Variants in ALG1L2 observed in about 807,000 individuals in gnomAD.
The protein encoded by ALG1L2 is putative glycosyltransferase ALG1L2.
A neutral mutation model predicts 29.0 loss-of-function variants in ALG1L2; 32 were observed. The observed-to-expected ratio is 1.10, with a 90% CI of 0.83 to 1.48. The LOEUF (loss-of-function observed/expected upper bound fraction) is 1.48, where lower values mean the gene tolerates loss of function less well. ALG1L2 is among the 40% of genes most tolerant of loss of function. The pLI is 0.00. For synonymous variants in ALG1L2, 110 were observed against 109.5 expected (o/e 1.00, Z -0.03); for missense variants, 318 against 274.1 (o/e 1.16, Z -1.13).
At chr3:130,094,973 C>G (rs1026769404) in intron 5 of ALG1L2, among the ~76,000 whole-genome samples, 7 of 152,184 alleles carry the variant, frequency 4.6e-5, no homozygotes, top group Non-Finnish European at 1.0e-4. Flanking sequence ...TCTCTAGAGC[C>G]ACATCTTCCA....
At chr3:130,096,015 C>G in intron 5 of ALG1L2, 34 bp from the exon 6 acceptor site, 1 of 1,583,398 alleles carries the variant, frequency 6.3e-7, no homozygotes, top group South Asian at 1.1e-5. Flanking sequence ...GGGGCAGAGA[C>G]CAGCGCTCTG....
rs779133862 is a variant in ALG1L2, at chr3:130,094,411, C to A, written c.322C>A (p.Pro108Thr). Residue 108 changes from proline (P) to threonine (T), a missense_variant, in exon 5 of 8, where the codon CCT becomes ACT. Pro to Thr is a conservative substitution (Grantham distance 38, BLOSUM62 -1). Transcript: ENST00000425059. ...SLVCVITGKG[P>T]LREYYSRLIH... ...TGCTCTTCTCTGTGAAGGCAAAGGG[C>A]CTCTGAGGGAGTATTACAGCCGCCT... 35 of 1,595,576 alleles carry A rather than the reference C, an allele frequency of 2.2e-5. No homozygotes were observed. The African/African-American group carries it at 3.7e-4, about 17-fold the overall frequency.
At chr3:130,092,308 G>T (rs1421645516) in intron 3 of ALG1L2, 86 bp downstream of exon 3, 1 of 1,588,742 alleles carries the variant, frequency 6.3e-7, no homozygotes, top group Non-Finnish European at 8.6e-7. Flanking sequence ...AGTCCTGCAT[G>T]CCCCAACCCC....
chr3:130,093,958 A>G (rs986934986), intron 4 of ALG1L2: 3 of 239,154 alleles, frequency 1.3e-5, no homozygotes, highest in Non-Finnish European at 2.5e-5. Flanking sequence ...AGGCTGTGGC[A>G]GGGCAGGTGC....
intron 2 of ALG1L2, 127 bp from the exon 3 acceptor site, chr3:130,091,974 G>A: frequency 2.0e-6 from 3 of 1,473,802 alleles, no homozygotes; most frequent in Non-Finnish European, 2.8e-6. Context: ...GGGTGGCCTG[G>A]TGCTGCTGAT....
At chr3:130,085,922 A>G (rs1934879668) in intron 1 of ALG1L2, among the ~76,000 whole-genome samples, 1 of 151,482 alleles carries the variant, frequency 6.6e-6, no homozygotes, top group Non-Finnish European at 1.5e-5. Flanking sequence ...GAGAGGGAAC[A>G]AAGATGAGGG....
At chr3:130,095,356 C>T (rs1225620912) in intron 5 of ALG1L2, among the ~76,000 whole-genome samples, 1 of 151,512 alleles carries the variant, frequency 6.6e-6, no homozygotes. Context: ...AAATGTTTAG[C>T]TATTTGGCTT....
intron 1 of ALG1L2, among the ~76,000 whole-genome samples, chr3:130,086,729 A>C: frequency 7.5e-6 from 1 of 133,094 alleles, no homozygotes. Flanking sequence ...AAACGTAGAA[A>C]AAGGAAATTG....
chr3:130,093,481 C>T (rs1282433471), intron 4 of ALG1L2, among the ~76,000 whole-genome samples: 3 of 148,446 alleles, frequency 2.0e-5, no homozygotes, highest in Non-Finnish European at 4.4e-5. Context: ...GGCTGGGATG[C>T]AGTGGTGCGA....
chr3:130,087,061 A>G (rs1934904343), intron 1 of ALG1L2, among the ~76,000 whole-genome samples: 2 of 149,682 alleles, frequency 1.3e-5, no homozygotes, highest in Non-Finnish European at 3.0e-5. Context: ...TGTTAGATAA[A>G]TGGCTACATA....
At chr3:130,083,545 A>T (rs1309391130) in intron 1 of ALG1L2, among the ~76,000 whole-genome samples, 1 of 131,168 alleles carries the variant, frequency 7.6e-6, no homozygotes, top group Non-Finnish European at 1.8e-5. Context: ...TACAAAGTAC[A>T]AATTACGTCA....
At chr3:130,085,096 T>C (rs201288488) in intron 1 of ALG1L2, among the ~76,000 whole-genome samples, 3,263 of 72,988 alleles carry the variant, frequency 0.045, 2 homozygotes, top group Middle Eastern at 0.074. Context: ...GTAGCTGGGA[T>C]TACAGGTGCC....
chr3:130,088,632 G>A (rs1934944469), intron 1 of ALG1L2, among the ~76,000 whole-genome samples: 1 of 152,246 alleles, frequency 6.6e-6, no homozygotes, highest in Admixed American at 6.5e-5. Flanking sequence ...TGGCCAGGCT[G>A]GTCTCAAACT....
chr3:130,085,567 T>A (rs1180333577), intron 1 of ALG1L2, among the ~76,000 whole-genome samples: 2 of 150,408 alleles, frequency 1.3e-5, no homozygotes, highest in Admixed American at 1.3e-4. Flanking sequence ...ACACGCATTA[T>A]ACTGGATAAA....
At chr3:130,082,222 G>T (rs1194863613) in intron 1 of ALG1L2, among the ~76,000 whole-genome samples, 186 bp downstream of exon 1, 2 of 147,192 alleles carry the variant, frequency 1.4e-5, no homozygotes, top group African/African-American at 4.9e-5. Context: ...AAATTGAGAT[G>T]AATTCATGGG....
At chr3:130,095,732 C>T (rs944827767) in intron 5 of ALG1L2, among the ~76,000 whole-genome samples, 4 of 152,022 alleles carry the variant, frequency 2.6e-5, no homozygotes, top group African/African-American at 9.7e-5. Context: ...GGGAGGTGAA[C>T]CTGGGAGGTG....
chr3:130,097,068 A>T lies in ALG1L2; in HGVS notation c.540-107A>T, dbSNP rs1055631472. 4 of 1,530,974 alleles carry T rather than the reference A, an allele frequency of 2.6e-6. No homozygotes were observed. The African/African-American group carries it at 5.6e-5, about 21-fold the overall frequency. 94.8% of individuals were successfully genotyped at this position (1,530,974 alleles called of 1,614,324 possible). A position where few individuals can be genotyped will look rare whatever the true frequency, so the allele number is the denominator to read the frequency against. ...CCCAGAAGCCACACACCCTGTTCCA[A>T]CCCCCAGCCTGGCTTGAGCGTGGGG... On this transcript the variant is annotated intron_variant, in intron 6 of 7. Transcript: ENST00000425059.
In ALG1L2 at chr3:130,092,094, C is replaced by T; in HGVS notation, c.132-7C>T. On this transcript the variant is annotated splice_region_variant and splice_polypyrimidine_tract_variant and intron_variant, in intron 2 of 7. Transcript: ENST00000425059. Reference sequence around the variant, plus strand: ...GCCTCTCACAGGGTTTTTTTCTGCTCCTTCAGCTCAGAACCTGAGGACCCA... The same window carrying T: ...GCCTCTCACAGGGTTTTTTTCTGCTTCTTCAGCTCAGAACCTGAGGACCCA... The T allele has an allele frequency of 6.2e-7, 1 of 1,613,312 alleles. No homozygotes were observed.
At chr3:130,092,005 T>G in intron 2 of ALG1L2, 96 bp from the exon 3 acceptor site, 6 of 1,568,010 alleles carry the variant, frequency 3.8e-6, no homozygotes, top group Non-Finnish European at 5.2e-6. Context: ...ACCCCAACCG[T>G]TGGGAGCCTG....
Sources: allele counts gnomAD v4.1 joint callset (sites outside exome capture counted in the v4.1 genomes callset), GRCh38; gene constraint gnomAD v4.1.1; transcripts MANE v1.5; gene names NCBI Gene and HGNC (gene_info 2026-07-23, HGNC 2026-07-21).